Variants in DLX6 observed in about 807,000 individuals in gnomAD.
DLX6 encodes the protein homeobox protein DLX-6.
DLX6 carries 4 observed loss-of-function variants against 33.5 expected under a neutral mutation model. That is an observed-to-expected ratio of 0.12 (90% CI 0.06 to 0.27). DLX6 has a LOEUF of 0.27. Among genes scored for constraint, DLX6 ranks in the 10% least tolerant of loss-of-function variants. DLX6 has a pLI of 1.00. For synonymous variants in DLX6, 184 were observed against 164.8 expected, an observed-to-expected ratio of 1.12 and a Z score of -0.89; for missense variants, 382 against 393.3, an observed-to-expected ratio of 0.97 and a Z score of 0.24.
intron 2 of DLX6, among the ~76,000 whole-genome samples, chr7:97,008,313 G>A (rs1174635413): frequency 2.6e-5 from 4 of 152,174 alleles, no homozygotes; most frequent in Non-Finnish European, 5.9e-5. Flanking sequence ...GTTCCAATGA[G>A]GTTTAGTAAA....
chr7:97,007,539 A>G (rs1017678013), intron 1 of DLX6, 99 bp from the exon 2 acceptor site: 3 of 1,155,194 alleles, frequency 2.6e-6, no homozygotes, highest in African/African-American at 3.1e-5. Context: ...GGTAACCCTT[A>G]TTGGGCTTTG....
Position 97,006,401 on chromosome 7 carries a change from G to A in DLX6, c.424G>A (p.Gly142Arg), listed in dbSNP as rs751660115. 80 of 1,418,982 alleles carry A rather than the reference G, an allele frequency of 5.6e-5. No homozygotes were observed. Among genetic ancestry groups the A allele is most frequent in the Non-Finnish European group, 6.8e-5 (73 of 1,073,854 alleles). The allele number at this position is 1,418,982 out of a possible 1,614,324, so 87.9% of individuals were successfully genotyped here. Residue 142 changes from glycine (G) to arginine (R), a missense_variant, in exon 1 of 3, where the codon GGG becomes AGG. This residue lies in a region of DLX6 where 257 missense variants were observed against 206.9 expected (regional missense o/e 1.24). Transcript: ENST00000518156. ...HNSSAAAQTR[G>R]DDTDQQKTTV... is the part of the protein sequence containing the mutation. ...CAGCAGCGCAGCCGCCCAGACGCGAGGGGACGACACAGGTGAGAGGCCGCT... is the reference window on the plus strand; with the variant it reads ...CAGCAGCGCAGCCGCCCAGACGCGAAGGGACGACACAGGTGAGAGGCCGCT...
chr7:97,009,333 A>T (rs980106233), intron 2 of DLX6, among the ~76,000 whole-genome samples: 2 of 152,222 alleles, frequency 1.3e-5, no homozygotes, highest in African/African-American at 4.8e-5. Context: ...ATCTCTATGC[A>T]TGTACACGGA....
intron 2 of DLX6, among the ~76,000 whole-genome samples, chr7:97,008,119 A>G (rs1340027115): frequency 1.3e-5 from 2 of 152,234 alleles, no homozygotes; most frequent in Non-Finnish European, 2.9e-5. Flanking sequence ...GTGTTATTCC[A>G]GAGCAGAACA....
At chr7:97,009,648 A>C (rs1789804501) in intron 2 of DLX6, 148 bp from the exon 3 acceptor site, 2 of 1,112,724 alleles carry the variant, frequency 1.8e-6, no homozygotes, top group African/African-American at 3.1e-5. Flanking sequence ...AGGTGGAAGG[A>C]GGCGGGGACT....
In DLX6 at chr7:97,006,353, C is replaced by T; in HGVS notation, c.376C>T (p.Pro126Ser). The change falls in exon 1 of 3, where the codon CCT (proline) becomes TCT (serine). Residue 126 changes from proline (P) to serine (S), a missense_variant. This residue lies in a region of DLX6 where 257 missense variants were observed against 206.9 expected (regional missense o/e 1.24). Coordinates refer to ENST00000518156, the MANE Select transcript of DLX6 (RefSeq NM_005222.4). ...CTACATGAGCCACTCGCAGCACAGC[C>T]CTTACCTCCAGTCCTACCACAACAG... is the stretch of plus-strand genomic sequence containing the variant. ...YPYMSHSQHS[P>S]YLQSYHNSSA... The T allele has an allele frequency of 1.3e-6, 2 of 1,496,596 alleles. No individual in the cohort carries two copies. The highest frequency in any genetic ancestry group is 1.3e-5 in the South Asian group (1 of 75,324). The allele number at this position is 1,496,596 out of a possible 1,614,324, so 92.7% of individuals were successfully genotyped here. A position where few individuals can be genotyped will look rare whatever the true frequency, so the allele number is the denominator to read the frequency against.
chr7:97,007,612 C>G (rs769012496), intron 1 of DLX6, 26 bp from the exon 2 acceptor site: 1 of 1,586,874 alleles, frequency 6.3e-7, no homozygotes, highest in East Asian at 2.3e-5. Flanking sequence ...CCCGGGTGAC[C>G]GCTCCTCTGT....
rs1432313656 is a variant in DLX6, at chr7:97,011,000, T to C, written c.*953T>C. The C allele has an allele frequency of 6.6e-6, 1 of 152,606 alleles. No individual in the cohort carries two copies. The highest frequency in any genetic ancestry group is 1.5e-5 in the Non-Finnish European group (1 of 68,030). The allele number at this position is 152,606 out of a possible 1,614,324, so 9.5% of individuals were successfully genotyped here. On this transcript the variant is annotated 3_prime_UTR_variant, in exon 3 of 3. Coordinates refer to ENST00000518156, the MANE Select transcript of DLX6 (RefSeq NM_005222.4). Reference sequence around the variant, plus strand: ...GTTGTACATATACTTTGTATGTTTTTGTCTTCTTTCATATATGGAGTAAAA... The same window carrying C: ...GTTGTACATATACTTTGTATGTTTTCGTCTTCTTTCATATATGGAGTAAAA...
At chr7:97,008,598 G>A (rs1008158896) in intron 2 of DLX6, among the ~76,000 whole-genome samples, 1 of 152,220 alleles carries the variant, frequency 6.6e-6, no homozygotes, top group African/African-American at 2.4e-5. Flanking sequence ...TTCACAAGAA[G>A]GAGCTTAGGT....
At chr7:97,007,138 T>C in intron 1 of DLX6, 1 of 217,268 alleles carries the variant, frequency 4.6e-6, no homozygotes, top group Non-Finnish European at 9.2e-6. Context: ...GGTTGTGTTT[T>C]GTTTGAGGAT....
At chr7:97,006,467 C>T in intron 1 of DLX6, 54 bp downstream of exon 1, 1 of 1,250,234 alleles carries the variant, frequency 8.0e-7, no homozygotes. Context: ...GCCCCCTACC[C>T]CGCCCGCCCG....
Position 97,006,326 on chromosome 7 carries a change from C to CCCT in DLX6, c.350_352dup (p.Pro117_Tyr118insSer), listed in dbSNP as rs1286074196. The CCCT allele has an allele frequency of 7.2e-6, 11 of 1,518,270 alleles. 1 individual carries two copies. Among genetic ancestry groups the CCCT allele is most frequent in the Middle Eastern group, 3.4e-4 (2 of 5,892 alleles). The allele number at this position is 1,518,270 out of a possible 1,614,324, so 94.0% of individuals were successfully genotyped here. A position where few individuals can be genotyped will look rare whatever the true frequency, so the allele number is the denominator to read the frequency against. On this transcript the variant is annotated inframe_insertion, in exon 1 of 3. Transcript: ENST00000518156. The stretch of plus-strand genomic sequence containing the variant: ...CAACCACCGCTCGCTCGCCGCCTAC[C>CCCT]CCTACATGAGCCACTCGCAGCACAG...
At chr7:97,009,197 T>A (rs1244475165) in intron 2 of DLX6, among the ~76,000 whole-genome samples, 1 of 152,256 alleles carries the variant, frequency 6.6e-6, no homozygotes, top group Non-Finnish European at 1.5e-5. Flanking sequence ...AGATGCTTCA[T>A]GTATAATCTA....
At position 97,006,238 on chromosome 7, in the gene DLX6, CCACCACCACCACCAG is replaced by C; in HGVS notation, c.274_288del (p.Gln92_His96del). The C allele has an allele frequency of 2.0e-6, 3 of 1,518,358 alleles. No homozygotes were observed. The highest frequency in any genetic ancestry group is 2.7e-6 in the Non-Finnish European group (3 of 1,130,168). The allele number at this position is 1,518,358 out of a possible 1,614,324, so 94.1% of individuals were successfully genotyped here. A position where few individuals can be genotyped will look rare whatever the true frequency, so the allele number is the denominator to read the frequency against. On this transcript the variant is annotated inframe_deletion, in exon 1 of 3. Coordinates refer to ENST00000518156, the MANE Select transcript of DLX6 (RefSeq NM_005222.4). ...CGGCGGCAGCGGCCGGCTCGCACCA[CCACCACCACCACCAG>C]CACCACCACCACGGCTCGCCCTACG...
intron 2 of DLX6, 108 bp downstream of exon 2, chr7:97,007,939 A>G: frequency 8.6e-7 from 1 of 1,166,352 alleles, no homozygotes; most frequent in South Asian, 1.7e-5. Context: ...GGATGGAAGG[A>G]GCTTAATGAC....
chr7:97,007,505 C>T lies in DLX6; in HGVS notation c.437-133C>T. The stretch of plus-strand genomic sequence containing the variant: ...ACGGGCAGAGTGGACCAAGAGAGGT[C>T]GGGGCATCATAGGGATTTTTCGAGG... On this transcript the variant is annotated intron_variant, in intron 1 of 2. Coordinates refer to ENST00000518156, the MANE Select transcript of DLX6 (RefSeq NM_005222.4). The T allele has an allele frequency of 7.4e-6, 6 of 810,974 alleles. No homozygotes were observed. The South Asian group carries it at 8.7e-5, about 12-fold the overall frequency. The allele number at this position is 810,974 out of a possible 1,614,324, so 50.2% of individuals were successfully genotyped here. A position where few individuals can be genotyped will look rare whatever the true frequency, so the allele number is the denominator to read the frequency against.
At position 97,010,134 on chromosome 7, in the gene DLX6, G is replaced by GAGC; in HGVS notation, c.*90_*92dup. ...TTGTATCTGCGAAAAGGAGCCAAAG[G>GAGC]AGCAGGCTTAGGAGAGCTCATAAGT... On this transcript the variant is annotated 3_prime_UTR_variant, in exon 3 of 3. Transcript: ENST00000518156. 4 of 1,497,298 alleles carry GAGC rather than the reference G, an allele frequency of 2.7e-6. No individual in the cohort carries two copies. The highest frequency in any genetic ancestry group is 3.6e-6 in the Non-Finnish European group (4 of 1,113,050). The allele number at this position is 1,497,298 out of a possible 1,614,324, so 92.8% of individuals were successfully genotyped here. A position where few individuals can be genotyped will look rare whatever the true frequency, so the allele number is the denominator to read the frequency against.
chr7:97,008,796 T>G (rs557565415), intron 2 of DLX6, among the ~76,000 whole-genome samples: 1 of 152,356 alleles, frequency 6.6e-6, no homozygotes, highest in East Asian at 1.9e-4. Flanking sequence ...TTCCTTAAGC[T>G]CTTTTTCAAT....
chr7:97,010,061 A>G lies in DLX6; in HGVS notation c.*14A>G. The G allele has an allele frequency of 6.3e-7, 1 of 1,577,480 alleles. No homozygotes were observed. Among genetic ancestry groups the G allele is most frequent in the Non-Finnish European group, 8.6e-7 (1 of 1,161,302 alleles). ...CAGATGATGTGAGTTGCCCAAGGGA[A>G]CACCCTAGGGAAACGTCTGAACAAG... is the stretch of plus-strand genomic sequence containing the variant. On this transcript the variant is annotated 3_prime_UTR_variant, in exon 3 of 3. Transcript: ENST00000518156.
Sources: allele counts gnomAD v4.1 joint callset (sites outside exome capture counted in the v4.1 genomes callset), GRCh38; gene constraint gnomAD v4.1.1; regional missense constraint gnomAD v4.1.1; transcripts MANE v1.5; gene names NCBI Gene and HGNC (gene_info 2026-07-23, HGNC 2026-07-21).